STK31: variants seen among roughly 807,000 people sequenced by gnomAD.
The protein encoded by STK31 is serine/threonine kinase 31, also known as serine/threonine-protein kinase 31.
A neutral mutation model predicts 129.7 loss-of-function variants in STK31; 89 were observed. The ratio of observed to expected loss-of-function variants is 0.69; its 90% confidence interval spans 0.58 to 0.82. STK31 has a LOEUF of 0.82. Among genes scored for constraint, STK31 ranks in the 40% least tolerant of loss-of-function variants. The pLI, the probability that STK31 is intolerant of heterozygous loss-of-function variation, is 0.00. For missense variants in STK31, 1,187 were observed against 1,176.4 expected (o/e 1.01, Z -0.13); for synonymous variants, 448 against 395.3 (o/e 1.13, Z -1.58).
chr7:23,811,392 T>G lies in STK31; in HGVS notation c.2761-3752T>G. On this transcript the variant is annotated intron_variant, in intron 22 of 23. Transcript: ENST00000355870. The stretch of plus-strand genomic sequence containing the variant: ...GATTTAATGTAATCTTTCATATACA[T>G]CTTGTAGGCTTCTTTTATGAAGCCA... 2 of 342,648 alleles carry G rather than the reference T, an allele frequency of 5.8e-6. 1 individual carries two copies. The highest frequency in any genetic ancestry group is 5.9e-5 in the South Asian group (2 of 33,724). 21.2% of individuals were successfully genotyped at this position (342,648 alleles called of 1,614,324 possible). A position where few individuals can be genotyped will look rare whatever the true frequency, so the allele number is the denominator to read the frequency against.
chr7:23,803,681 C>G (rs1453523151), intron 22 of STK31, among the ~76,000 whole-genome samples: 2 of 152,086 alleles, frequency 1.3e-5, no homozygotes, highest in Non-Finnish European at 2.9e-5. Flanking sequence ...ATTTTGTCAC[C>G]CAGATACTAA....
At chr7:23,725,235 A>G (rs1786983725) in intron 4 of STK31, among the ~76,000 whole-genome samples, 1 of 152,086 alleles carries the variant, frequency 6.6e-6, no homozygotes. Flanking sequence ...TTGAGAATGT[A>G]TGATTTAAAG....
rs1006404035 is a variant in STK31 at position 23,832,311 on chromosome 7, A to G, written c.3005A>G (p.Asn1002Ser). ...YKKEEEIKTE[N>S]LDKCMEKTRN... Reference sequence around the variant, plus strand: ...AAGGAAGAAGAAATAAAGACGGAGAACTTGGATAAATGTATGGAGAAGACA... The same window carrying G: ...AAGGAAGAAGAAATAAAGACGGAGAGCTTGGATAAATGTATGGAGAAGACA... The change falls in exon 24 of 24, where the codon AAC (asparagine) becomes AGC (serine). Residue 1002 changes from asparagine to serine, a missense_variant. By Grantham distance (46) the Asn-to-Ser change is conservative. Around this residue, in one of 5 missense-constraint regions of STK31, gnomAD observed 975 missense variants for 934.9 expected, o/e 1.04. Transcript: ENST00000355870. 4 of 1,613,806 alleles carry G rather than the reference A, an allele frequency of 2.5e-6. No homozygotes were observed. The African/African-American group carries it at 4.0e-5, about 16-fold the overall frequency.
At chr7:23,761,020 C>T (rs1789427659) in intron 10 of STK31, among the ~76,000 whole-genome samples, 1 of 152,078 alleles carries the variant, frequency 6.6e-6, no homozygotes, top group Admixed American at 6.5e-5. Context: ...GACAGCAAAG[C>T]CTATTGTTTT....
rs756453964 is a variant in STK31 at position 23,781,489 on chromosome 7, T to G, written c.2036T>G (p.Phe679Cys). Reference protein sequence around the residue: ...EEITQLRNNVFQEIYHEREEY... With the variant: ...EEITQLRNNVCQEIYHEREEY... Reference sequence around the variant, plus strand: ...ATAACTCAGCTGCGCAATAATGTCTTTCAGGAAATTTATCATGAGAGAGAG... The same window carrying G: ...ATAACTCAGCTGCGCAATAATGTCTGTCAGGAAATTTATCATGAGAGAGAG... The change falls in exon 16 of 24, where the codon TTT becomes TGT. Residue 679 changes from phenylalanine to cysteine, a missense_variant. Physicochemically the swap from Phe to Cys is radical, Grantham distance 205. Around this residue, in one of 5 missense-constraint regions of STK31, gnomAD observed 975 missense variants for 934.9 expected, o/e 1.04. Transcript: ENST00000355870. 3 of 1,611,336 alleles carry G rather than the reference T, an allele frequency of 1.9e-6. No homozygotes were observed. The highest frequency in any genetic ancestry group is 2.5e-6 in the Non-Finnish European group (3 of 1,178,872).
intron 23 of STK31, among the ~76,000 whole-genome samples, chr7:23,821,202 GT>G (rs1258680122): frequency 6.6e-6 from 1 of 152,022 alleles, no homozygotes; most frequent in Non-Finnish European, 1.5e-5. Flanking sequence ...TCCATTTTTA[GT>G]TTTTTGGAAA....
chr7:23,740,672 T>C (rs888018236), intron 8 of STK31, among the ~76,000 whole-genome samples: 20 of 152,100 alleles, frequency 1.3e-4, no homozygotes, highest in Non-Finnish European at 2.9e-4. Flanking sequence ...CAGTCCCTGA[T>C]GTGTGATGTT....
At chr7:23,736,881 A>G (rs773600964) in intron 7 of STK31, 23 bp from the exon 8 acceptor site, 49 of 1,580,746 alleles carry the variant, frequency 3.1e-5, no homozygotes, top group Non-Finnish European at 3.7e-5. Flanking sequence ...TGTTTGTCAA[A>G]ATAAATGAAT....
chr7:23,726,823 C>T (rs576754472), intron 4 of STK31, among the ~76,000 whole-genome samples: 1 of 151,966 alleles, frequency 6.6e-6, no homozygotes, highest in Non-Finnish European at 1.5e-5. Flanking sequence ...ATATGAATTC[C>T]ACTATAGTTG....
intron 6 of STK31, among the ~76,000 whole-genome samples, chr7:23,733,117 T>C (rs902435780): frequency 6.6e-6 from 1 of 152,176 alleles, no homozygotes; most frequent in African/African-American, 2.4e-5. Context: ...TGTGTGTATT[T>C]CTGAATTTTA....
At chr7:23,723,296 C>A (rs1246675952) in intron 4 of STK31, among the ~76,000 whole-genome samples, 3 of 152,234 alleles carry the variant, frequency 2.0e-5, no homozygotes, top group East Asian at 3.9e-4. Context: ...GGAGAATGAG[C>A]ATGCAGATAA....
chr7:23,830,234 T>G (rs1194973022), intron 23 of STK31, among the ~76,000 whole-genome samples: 1 of 152,192 alleles, frequency 6.6e-6, no homozygotes. Context: ...ATTTTGTTTA[T>G]CTTTTAAAAA....
At chr7:23,710,477 A>G (rs1448659037) in intron 1 of STK31, 142 bp downstream of exon 1, 20 of 1,523,854 alleles carry the variant, frequency 1.3e-5, no homozygotes, top group Non-Finnish European at 1.6e-5. Flanking sequence ...GCCACCCCAG[A>G]GGGGTGCCAG....
At chr7:23,791,779 G>A (rs1257771708) in intron 22 of STK31, among the ~76,000 whole-genome samples, 1 of 152,170 alleles carries the variant, frequency 6.6e-6, no homozygotes, top group Non-Finnish European at 1.5e-5. Flanking sequence ...AGAGTTAAGA[G>A]GGATTAAGTA....
At chr7:23,813,591 T>C (rs1793283558) in intron 22 of STK31, among the ~76,000 whole-genome samples, 1 of 152,198 alleles carries the variant, frequency 6.6e-6, no homozygotes, top group Admixed American at 6.5e-5. Context: ...ACAATCTAAT[T>C]TTCAGAAACT....
At chr7:23,828,073 C>G (rs1043942310) in intron 23 of STK31, among the ~76,000 whole-genome samples, 4 of 152,228 alleles carry the variant, frequency 2.6e-5, no homozygotes, top group Non-Finnish European at 5.9e-5. Flanking sequence ...TCTGCCTGTT[C>G]TCAGATCTCC....
intron 15 of STK31, among the ~76,000 whole-genome samples, chr7:23,774,184 A>G (rs1393029934): frequency 6.6e-6 from 1 of 152,070 alleles, no homozygotes; most frequent in Non-Finnish European, 1.5e-5. Flanking sequence ...TCTATTATTG[A>G]TGGGCAACTG....
chr7:23,800,028 G>A (rs932168286), intron 22 of STK31, among the ~76,000 whole-genome samples: 9 of 152,040 alleles, frequency 5.9e-5, no homozygotes, highest in Non-Finnish European at 1.0e-4. Context: ...TCAAAACCAC[G>A]ATGAGATACC....
At chr7:23,732,879 G>C (rs10215618) in intron 6 of STK31, among the ~76,000 whole-genome samples, 102,176 of 151,916 alleles carry the variant, frequency 0.67, 34,533 homozygotes, top group Admixed American at 0.75. Flanking sequence ...AGAGTTGAAA[G>C]CAAGGGTTTT....
Sources: gnomAD v4.1 joint callset for allele counts (sites outside exome capture counted in the v4.1 genomes callset) on GRCh38, gnomAD v4.1.1 for gene constraint, gnomAD v4.1.1 regional missense constraint, MANE v1.5 for transcripts, NCBI Gene and HGNC (gene_info 2026-07-23, HGNC 2026-07-21) for gene names.